Variants in HSD17B12 observed in about 807,000 individuals in gnomAD.
HSD17B12 encodes very-long-chain 3-oxoacyl-CoA reductase.
In HSD17B12, 32 loss-of-function variants were observed where a neutral mutation model predicts 39.3. The ratio of observed to expected loss-of-function variants is 0.81; its 90% confidence interval spans 0.61 to 1.09. The LOEUF (loss-of-function observed/expected upper bound fraction) is 1.09. Ranked by LOEUF, HSD17B12 falls within the 50% of genes least tolerant of loss-of-function variation. The pLI, the probability that HSD17B12 is intolerant of heterozygous loss-of-function variation, is 0.00. For synonymous variants in HSD17B12, 150 were observed against 146.7 expected (o/e 1.02, Z -0.16); for missense variants, 342 against 382.9 (o/e 0.89, Z 0.89).
chr11:43,759,117 G>C (rs560307501), intron 3 of HSD17B12, among the ~76,000 whole-genome samples: 16 of 152,140 alleles, frequency 1.1e-4, no homozygotes, highest in Non-Finnish European at 2.4e-4. Flanking sequence ...TTACTTCCCT[G>C]TGTGACTGAA....
chr11:43,623,981 C>T, the HSD17B12 span, among the ~76,000 whole-genome samples: 1 of 151,944 alleles, frequency 6.6e-6, no homozygotes, highest in African/African-American at 2.4e-5. Flanking sequence ...CCTTCCAAGC[C>T]TTGTTCAGCC....
At chr11:43,725,023 A>G (rs980184527) in intron 1 of HSD17B12, among the ~76,000 whole-genome samples, 4 of 152,176 alleles carry the variant, frequency 2.6e-5, no homozygotes, top group African/African-American at 9.7e-5. Context: ...AGGGCCCAAT[A>G]TATTAATTGC....
At chr11:43,799,359 G>A (rs1950944245) in intron 4 of HSD17B12, among the ~76,000 whole-genome samples, 1 of 152,052 alleles carries the variant, frequency 6.6e-6, no homozygotes, top group Non-Finnish European at 1.5e-5. Flanking sequence ...TGGTTCAGCT[G>A]GGGTTCAGTC....
intron 3 of HSD17B12, among the ~76,000 whole-genome samples, chr11:43,797,884 A>C (rs953224854): frequency 1.3e-5 from 2 of 152,182 alleles, no homozygotes; most frequent in Non-Finnish European, 2.9e-5. Context: ...TTTTTGTTTT[A>C]ATGTGTCACA....
chr11:43,799,805 C>T (rs4755746), intron 4 of HSD17B12, among the ~76,000 whole-genome samples: 2,147 of 152,230 alleles, frequency 0.014, 68 homozygotes, highest in African/African-American at 0.047. Context: ...ATAGATAAGA[C>T]AGTTGTTAAA....
chr11:43,839,185 A>G (rs1951399875), intron 8 of HSD17B12, among the ~76,000 whole-genome samples: 1 of 152,108 alleles, frequency 6.6e-6, no homozygotes, highest in Admixed American at 6.6e-5. Context: ...CAGGGAAGGA[A>G]AAGAGCAAAA....
chr11:43,844,204 G>A (rs759131425), intron 9 of HSD17B12, among the ~76,000 whole-genome samples: 4 of 152,146 alleles, frequency 2.6e-5, no homozygotes, highest in Non-Finnish European at 5.9e-5. Context: ...TTTGGGGAAG[G>A]AAGAGGGTAT....
chr11:43,637,482 A>G, the HSD17B12 span, among the ~76,000 whole-genome samples: 1 of 152,090 alleles, frequency 6.6e-6, no homozygotes, highest in Non-Finnish European at 1.5e-5. Context: ...TGGCCTCCCA[A>G]AGTGCTGGGA....
At chr11:43,760,199 A>G (rs1950544107) in intron 3 of HSD17B12, among the ~76,000 whole-genome samples, 1 of 151,714 alleles carries the variant, frequency 6.6e-6, no homozygotes, top group African/African-American at 2.4e-5. Context: ...CTCCCAGCCT[A>G]ATTTTTTTGT....
intron 3 of HSD17B12, among the ~76,000 whole-genome samples, chr11:43,758,974 C>T (rs1488859558): frequency 6.6e-6 from 1 of 152,226 alleles, no homozygotes; most frequent in Non-Finnish European, 1.5e-5. Context: ...TGTGATCCTA[C>T]TCCTGAAACT....
chr11:43,583,202 C>A, the HSD17B12 span, among the ~76,000 whole-genome samples: 2 of 152,246 alleles, frequency 1.3e-5, no homozygotes, highest in Non-Finnish European at 2.9e-5. Flanking sequence ...GGTTGAGCCA[C>A]CGCAGCGCAG....
chr11:43,717,804 C>CTTT (rs34501307), intron 1 of HSD17B12, among the ~76,000 whole-genome samples: 107 of 130,174 alleles, frequency 8.2e-4, no homozygotes, highest in African/African-American at 2.2e-3. Flanking sequence ...TCTTCTTCTT[C>CTTT]TTTTTTTTTT....
intron 3 of HSD17B12, among the ~76,000 whole-genome samples, chr11:43,780,725 A>G (rs545198333): frequency 7.4e-4 from 113 of 152,136 alleles, no homozygotes; most frequent in Non-Finnish European, 9.7e-4. Context: ...CTGGCTCAGC[A>G]TGGTTCTTTA....
intron 4 of HSD17B12, among the ~76,000 whole-genome samples, chr11:43,810,290 A>G (rs1354837429): frequency 6.6e-6 from 1 of 151,484 alleles, no homozygotes; most frequent in Non-Finnish European, 1.5e-5. Context: ...AACTTAGAAG[A>G]AACAGAAATC....
the HSD17B12 span, among the ~76,000 whole-genome samples, chr11:43,634,099 A>AAAAAAAAAAAAAAAAAAAAAAAAAT: frequency 6.7e-6 from 1 of 148,554 alleles, no homozygotes; most frequent in African/African-American, 2.5e-5. Flanking sequence ...AAAAAAAAAA[A>AAAAAAAAAAAAAAAAAAAAAAAAAT]AAAAAAAAAA....
At chr11:43,745,016 C>T (rs1219969518) in intron 1 of HSD17B12, among the ~76,000 whole-genome samples, 1 of 152,210 alleles carries the variant, frequency 6.6e-6, no homozygotes, top group Non-Finnish European at 1.5e-5. Flanking sequence ...CAGTCCTGAG[C>T]TGGCAGCAGG....
chr11:43,716,642 A>G (rs1489566600), intron 1 of HSD17B12, among the ~76,000 whole-genome samples: 2 of 151,436 alleles, frequency 1.3e-5, no homozygotes, highest in African/African-American at 4.8e-5. Flanking sequence ...TCCTGGAGGA[A>G]TTAACAATCT....
At chr11:43,654,660 C>T in the HSD17B12 span, among the ~76,000 whole-genome samples, 84 of 152,120 alleles carry the variant, frequency 5.5e-4, 1 homozygote, top group African/African-American at 1.9e-3. Context: ...GGAATCCTTT[C>T]CCCATTTCTT....
chr11:43,770,301 A>G (rs756667678), intron 3 of HSD17B12, among the ~76,000 whole-genome samples: 9 of 152,198 alleles, frequency 5.9e-5, no homozygotes, highest in Non-Finnish European at 1.2e-4. Context: ...GCAGGGCAGC[A>G]ATCCACTGGA....
Sources: allele counts gnomAD v4.1 joint callset (sites outside exome capture counted in the v4.1 genomes callset), GRCh38; gene constraint gnomAD v4.1.1; transcripts MANE v1.5; gene names NCBI Gene and HGNC (gene_info 2026-07-23, HGNC 2026-07-21).